DHX35: variants seen among roughly 807,000 people sequenced by gnomAD.
DHX35 encodes the protein DEAH-box helicase 35, also known as probable ATP-dependent RNA helicase DHX35.
Under a neutral mutation model 99.6 loss-of-function variants are expected in DHX35, and 84 were observed. The observed-to-expected ratio is 0.84, with a 90% CI of 0.71 to 1.01. The LOEUF (loss-of-function observed/expected upper bound fraction) is 1.01, where lower values mean the gene tolerates loss of function less well. Ranked by LOEUF, DHX35 falls within the 50% of genes least tolerant of loss-of-function variation. DHX35 has a pLI of 0.00. For missense variants in DHX35, 852 were observed against 888.5 expected, an observed-to-expected ratio of 0.96 and a Z score of 0.52; for synonymous variants, 331 against 316.2, an observed-to-expected ratio of 1.05 and a Z score of -0.50.
chr20:38,985,270 C>G (rs900748247), intron 4 of DHX35, among the ~76,000 whole-genome samples: 5 of 151,574 alleles, frequency 3.3e-5, no homozygotes, highest in African/African-American at 4.9e-5. Flanking sequence ...TGCCTGTGGT[C>G]CCAGCTACTT....
intron 3 of DHX35, among the ~76,000 whole-genome samples, chr20:38,979,186 G>A (rs2086131231): frequency 6.6e-6 from 1 of 151,518 alleles, no homozygotes; most frequent in Admixed American, 6.6e-5. Flanking sequence ...TTCCATAGAT[G>A]CTAGTATGTG....
intron 3 of DHX35, among the ~76,000 whole-genome samples, chr20:38,973,526 T>C (rs939702536): frequency 1.1e-4 from 17 of 152,214 alleles, no homozygotes; most frequent in African/African-American, 4.1e-4. Context: ...GTAGCTCTTA[T>C]TCTGGCTACT....
chr20:38,988,931 G>A lies in DHX35; in HGVS notation c.450+14G>A, dbSNP rs2086291367. The A allele has an allele frequency of 6.2e-7, 1 of 1,609,982 alleles. No homozygotes were observed. Among genetic ancestry groups the A allele is most frequent in the Non-Finnish European group, 8.5e-7 (1 of 1,177,052 alleles). On this transcript the variant is annotated intron_variant, in intron 5 of 21. Coordinates refer to ENST00000252011, the MANE Select transcript of DHX35 (RefSeq NM_021931.4). The stretch of plus-strand genomic sequence containing the variant: ...ACGAGAATTAAGGTAAAGTGCTCAA[G>A]CTGCTTTTCCTAGTGGAAATAAGGA...
At chr20:39,006,886 G>A (rs1287093671) in intron 12 of DHX35, among the ~76,000 whole-genome samples, 2 of 152,178 alleles carry the variant, frequency 1.3e-5, no homozygotes, top group African/African-American at 4.8e-5. Flanking sequence ...GGAACAGAAG[G>A]CAATTTTAAT....
At chr20:39,012,102 G>A (rs2086711389) in intron 13 of DHX35, among the ~76,000 whole-genome samples, 3 of 152,104 alleles carry the variant, frequency 2.0e-5, no homozygotes, top group Non-Finnish European at 2.9e-5. Context: ...ACAAAAATTA[G>A]CCAGGCATGG....
intron 19 of DHX35, 106 bp from the exon 20 acceptor site, chr20:39,030,598 C>A: frequency 2.0e-6 from 2 of 1,016,108 alleles, no homozygotes; most frequent in South Asian, 1.4e-5. Context: ...TTGCTTGTGA[C>A]GAGTTCAGTC....
At chr20:38,998,391 G>C (rs1295181284) in intron 8 of DHX35, among the ~76,000 whole-genome samples, 2 of 152,216 alleles carry the variant, frequency 1.3e-5, no homozygotes, top group African/African-American at 4.8e-5. Context: ...CAAGGCTGTT[G>C]GCCAATCATG....
At chr20:39,030,491 C>T in intron 19 of DHX35, 1 of 558,318 alleles carries the variant, frequency 1.8e-6, no homozygotes, top group Non-Finnish European at 3.2e-6. Flanking sequence ...TTGCTTTTCT[C>T]CTCTTCGCTT....
At chr20:38,980,350 G>A (rs1254671500) in intron 3 of DHX35, among the ~76,000 whole-genome samples, 1 of 152,072 alleles carries the variant, frequency 6.6e-6, no homozygotes, top group Non-Finnish European at 1.5e-5. Context: ...AAATTATGTG[G>A]CCTCTTTGTT....
At chr20:39,023,509 C>T (rs1395496197) in intron 16 of DHX35, among the ~76,000 whole-genome samples, 181 bp from the exon 17 acceptor site, 2 of 152,018 alleles carry the variant, frequency 1.3e-5, no homozygotes, top group Non-Finnish European at 2.9e-5. Flanking sequence ...CCACCATGCC[C>T]TGCTGATTTT....
chr20:38,987,391 T>C (rs1394338096), intron 4 of DHX35, among the ~76,000 whole-genome samples: 3 of 152,078 alleles, frequency 2.0e-5, no homozygotes, highest in East Asian at 3.9e-4. Flanking sequence ...TACAGGCGCA[T>C]GCCACCATGC....
intron 21 of DHX35, among the ~76,000 whole-genome samples, chr20:39,034,975 G>A (rs2087124943): frequency 6.6e-6 from 1 of 152,038 alleles, no homozygotes; most frequent in Non-Finnish European, 1.5e-5. Flanking sequence ...GCCCAGGCTA[G>A]TCTCGAATAA....
At chr20:39,018,375 G>A (rs978929040) in intron 14 of DHX35, among the ~76,000 whole-genome samples, 2 of 151,944 alleles carry the variant, frequency 1.3e-5, no homozygotes, top group Non-Finnish European at 2.9e-5. Context: ...AAGAAGCAGC[G>A]GCCAGCAGAG....
At chr20:39,024,825 T>A (rs2086926952) in intron 17 of DHX35, among the ~76,000 whole-genome samples, 1 of 152,356 alleles carries the variant, frequency 6.6e-6, no homozygotes, top group East Asian at 1.9e-4. Flanking sequence ...AATTTGTAAA[T>A]TATTTCTACA....
intron 14 of DHX35, among the ~76,000 whole-genome samples, chr20:39,015,559 G>A (rs751994598): frequency 6.6e-6 from 1 of 152,184 alleles, no homozygotes; most frequent in Non-Finnish European, 1.5e-5. Flanking sequence ...GCTTTGGGGA[G>A]TACTGTTTCT....
intron 19 of DHX35, 39 bp downstream of exon 19, chr20:39,028,538 A>C: frequency 6.3e-7 from 1 of 1,595,164 alleles, no homozygotes; most frequent in Non-Finnish European, 8.6e-7. Context: ...TTAAAGGAAC[A>C]ATCTTACAAA....
At chr20:39,032,364 G>T (rs2087070158) in intron 20 of DHX35, among the ~76,000 whole-genome samples, 1 of 152,166 alleles carries the variant, frequency 6.6e-6, no homozygotes, top group Non-Finnish European at 1.5e-5. Context: ...TAGAGACGGG[G>T]TTTTGCCGTG....
At chr20:39,004,183 C>T (rs1233894504) in intron 11 of DHX35, among the ~76,000 whole-genome samples, 1 of 152,180 alleles carries the variant, frequency 6.6e-6, no homozygotes, top group African/African-American at 2.4e-5. Flanking sequence ...CTGCCTCAGC[C>T]TCCTGAGTAG....
At chr20:38,992,979 A>C (rs766440324) in intron 7 of DHX35, among the ~76,000 whole-genome samples, 1 of 152,180 alleles carries the variant, frequency 6.6e-6, no homozygotes, top group African/African-American at 2.4e-5. Flanking sequence ...AATGACCCCC[A>C]TGTACCCTTC....
Sources: allele counts gnomAD v4.1 joint callset (sites outside exome capture counted in the v4.1 genomes callset), GRCh38; gene constraint gnomAD v4.1.1; transcripts MANE v1.5; gene names NCBI Gene and HGNC (gene_info 2026-07-23, HGNC 2026-07-21).